SCAPER: variants seen among roughly 807,000 people sequenced by gnomAD.
SCAPER encodes the protein S phase cyclin A-associated protein in the endoplasmic reticulum.
SCAPER carries 98 observed loss-of-function variants against 182.2 expected under a neutral mutation model. The observed-to-expected ratio is 0.54, with a 90% confidence interval of 0.46 to 0.64. SCAPER has a LOEUF of 0.64. SCAPER is among the 30% of genes least tolerant of loss of function. The pLI is 0.00. For synonymous variants in SCAPER, 605 were observed against 564.6 expected (o/e 1.07, Z -1.01); for missense variants, 1,432 against 1,690.0 (o/e 0.85, Z 2.68).
intron 24 of SCAPER, among the ~76,000 whole-genome samples, chr15:76,484,876 C>A (rs1362318711): frequency 6.7e-6 from 1 of 149,652 alleles, no homozygotes; most frequent in Non-Finnish European, 1.5e-5. Flanking sequence ...TTAAAAACCT[C>A]AATAAACTAG....
chr15:76,502,354 A>C (rs572296247), intron 24 of SCAPER, among the ~76,000 whole-genome samples: 45 of 152,326 alleles, frequency 3.0e-4, no homozygotes, highest in African/African-American at 1.0e-3. Context: ...GGATTAAGAA[A>C]AATGTGGCAC....
At chr15:76,713,568 G>C (rs2150897823) in intron 17 of SCAPER, among the ~76,000 whole-genome samples, 1 of 151,398 alleles carries the variant, frequency 6.6e-6, no homozygotes, top group African/African-American at 2.4e-5. Flanking sequence ...TCATAGGTGG[G>C]AAATGAACAA....
chr15:76,889,236 A>C (rs2074029227), intron 1 of SCAPER, among the ~76,000 whole-genome samples: 1 of 152,244 alleles, frequency 6.6e-6, no homozygotes, highest in Non-Finnish European at 1.5e-5. Context: ...CCAAATGGTA[A>C]AGACCATCGA....
At chr15:76,586,017 T>C (rs2048627045) in intron 22 of SCAPER, among the ~76,000 whole-genome samples, 1 of 152,178 alleles carries the variant, frequency 6.6e-6, no homozygotes, top group Non-Finnish European at 1.5e-5. Context: ...GAGAAGTATC[T>C]GTCAGGTAAA....
intron 20 of SCAPER, among the ~76,000 whole-genome samples, chr15:76,675,125 C>T (rs1322026284): frequency 1.3e-5 from 2 of 152,202 alleles, no homozygotes; most frequent in Non-Finnish European, 2.9e-5. Context: ...GGAGGTTCAT[C>T]ATACTATTCT....
chr15:76,789,547 C>G (rs1165833903), intron 8 of SCAPER, among the ~76,000 whole-genome samples: 2 of 152,058 alleles, frequency 1.3e-5, no homozygotes, highest in East Asian at 1.9e-4. Context: ...GTATATCAAA[C>G]TAGGAACTAT....
chr15:76,616,403 G>C (rs900667188), intron 22 of SCAPER, among the ~76,000 whole-genome samples: 1 of 152,124 alleles, frequency 6.6e-6, no homozygotes, highest in African/African-American at 2.4e-5. Flanking sequence ...CACTTAACAT[G>C]AGTTACCCAG....
intron 20 of SCAPER, among the ~76,000 whole-genome samples, chr15:76,679,592 A>G (rs1239073931): frequency 6.6e-6 from 1 of 152,192 alleles, no homozygotes; most frequent in African/African-American, 2.4e-5. Context: ...ATCAGTTACA[A>G]TTTATTTATT....
chr15:76,403,439 C>T (rs1051001569), intron 27 of SCAPER, among the ~76,000 whole-genome samples: 1 of 152,116 alleles, frequency 6.6e-6, no homozygotes, highest in African/African-American at 2.4e-5. Flanking sequence ...TAGAACGTGA[C>T]TGGTGGTGAG....
At chr15:76,457,075 T>G (rs545751307) in intron 25 of SCAPER, among the ~76,000 whole-genome samples, 33 of 152,114 alleles carry the variant, frequency 2.2e-4, no homozygotes, top group Non-Finnish European at 3.5e-4. Context: ...ACTTTTTTTT[T>G]TTTTTTAGAT....
At chr15:76,606,725 G>T (rs1027630693) in intron 22 of SCAPER, among the ~76,000 whole-genome samples, 20 of 151,628 alleles carry the variant, frequency 1.3e-4, no homozygotes, top group Non-Finnish European at 2.5e-4. Flanking sequence ...ATATATTTAG[G>T]ATAGTTAGCT....
intron 24 of SCAPER, among the ~76,000 whole-genome samples, chr15:76,479,701 G>A (rs756464758): frequency 6.6e-6 from 1 of 152,102 alleles, no homozygotes; most frequent in Non-Finnish European, 1.5e-5. Context: ...GTTGCCATGT[G>A]GGAAGGTTTA....
At chr15:76,766,587 C>T (rs2063130815) in intron 11 of SCAPER, among the ~76,000 whole-genome samples, 1 of 151,918 alleles carries the variant, frequency 6.6e-6, no homozygotes, top group Non-Finnish European at 1.5e-5. Flanking sequence ...ATCCTACCGC[C>T]TTGGCCTCCC....
rs770081274 is a variant in SCAPER at position 76,702,969 on chromosome 15, T to C, written c.2281A>G (p.Ile761Val). ...GCAGCTTTTTCTTTTCTTTGTTCAA[T>C]CTGTTCCATGTGCCTTCGAATACTT... ...DESIRRHMEQIEQRKEKAAEL... is the reference protein window; with the variant it reads ...DESIRRHMEQVEQRKEKAAEL... The change falls in exon 19 of 32, where the codon ATT becomes GTT. Residue 761 changes from isoleucine to valine, a missense_variant. Physicochemically the swap from Ile to Val is conservative, Grantham distance 29 (BLOSUM62 3). This residue lies in a region of SCAPER where 718 missense variants were observed against 799.7 expected (regional missense o/e 0.90). Transcript: ENST00000563290. 6.2e-7 allele frequency: 1 copy of C among 1,604,878 alleles called. No individual in the cohort carries two copies. The highest frequency in any genetic ancestry group is 8.5e-7 in the Non-Finnish European group (1 of 1,176,938).
Position 76,841,795 on chromosome 15 carries a change from C to T in SCAPER, c.332G>A (p.Arg111His). ...TACATAGATTTCATCTACTGCTCGGCGAAGATTATCAAAAAGAAATGCCCA... is the reference window on the plus strand; with the variant it reads ...TACATAGATTTCATCTACTGCTCGGTGAAGATTATCAAAAAGAAATGCCCA... ...RYWAFLFDNL[R>H]RAVDEIYVTC... Residue 111 changes from arginine to histidine, a missense_variant, in exon 5 of 32, where the codon CGC becomes CAC. Around this residue, in one of 5 missense-constraint regions of SCAPER, gnomAD observed 480 missense variants for 510.2 expected, o/e 0.94. Coordinates refer to ENST00000563290, the MANE Select transcript of SCAPER (RefSeq NM_020843.4). The T allele has an allele frequency of 1.2e-6, 2 of 1,613,882 alleles. No homozygotes were observed. The highest frequency in any genetic ancestry group is 8.5e-7 in the Non-Finnish European group (1 of 1,179,866).
intron 21 of SCAPER, among the ~76,000 whole-genome samples, chr15:76,652,878 C>G (rs2055294581): frequency 6.6e-6 from 1 of 151,878 alleles, no homozygotes; most frequent in Admixed American, 6.6e-5. Context: ...CTAGCCAGGG[C>G]AATCAGGAAA....
chr15:76,648,299 T>C (rs1304011855), intron 21 of SCAPER, among the ~76,000 whole-genome samples: 1 of 151,678 alleles, frequency 6.6e-6, no homozygotes, highest in African/African-American at 2.4e-5. Flanking sequence ...TGGATGATTT[T>C]AAAAGCAAAT....
intron 17 of SCAPER, among the ~76,000 whole-genome samples, chr15:76,719,643 TACA>T (rs528266366): frequency 5.3e-5 from 8 of 152,168 alleles, no homozygotes; most frequent in Non-Finnish European, 1.0e-4. Context: ...ATATGTACAC[TACA>T]ACATTATGAT....
At chr15:76,357,563 G>A (rs2041076842) in intron 29 of SCAPER, among the ~76,000 whole-genome samples, 2 of 152,106 alleles carry the variant, frequency 1.3e-5, no homozygotes, top group Admixed American at 6.6e-5. Context: ...TTTCTCAACC[G>A]AAAATAGAAC....
Sources: gnomAD v4.1 joint callset for allele counts (sites outside exome capture counted in the v4.1 genomes callset) on GRCh38, gnomAD v4.1.1 for gene constraint, gnomAD v4.1.1 regional missense constraint, MANE v1.5 for transcripts, NCBI Gene and HGNC (gene_info 2026-07-23, HGNC 2026-07-21) for gene names.